The following SLC25A43 variants were observed in gnomAD, a reference collection of about 807,000 sequenced individuals.
SLC25A43 encodes the protein solute carrier family 25 member 43.
SLC25A43 carries 10 observed loss-of-function variants against 22.8 expected under a neutral mutation model. That is an observed-to-expected ratio of 0.44 (90% CI 0.27 to 0.74). The LOEUF is 0.74. Ranked by LOEUF, SLC25A43 falls within the 30% of genes least tolerant of loss-of-function variation. The pLI is 0.17. For synonymous variants in SLC25A43, 106 were observed against 121.6 expected, an observed-to-expected ratio of 0.87 and a Z score of 0.84; for missense variants, 233 against 279.1, an observed-to-expected ratio of 0.83 and a Z score of 1.18.
chrX:119,430,158 C>G (rs1402412913), intron 3 of SLC25A43, among the ~76,000 whole-genome samples: 1 of 111,740 alleles, frequency 8.9e-6, no homozygotes, highest in Non-Finnish European at 1.9e-5. Flanking sequence ...TGACATGTTT[C>G]ATTTCTCTTT....
intron 2 of SLC25A43, among the ~76,000 whole-genome samples, chrX:119,407,461 TG>T (rs1258113918): frequency 8.9e-6 from 1 of 111,752 alleles, no homozygotes; most frequent in Non-Finnish European, 1.9e-5. Flanking sequence ...GGCCAACTTT[TG>T]GGGGGAAGTA....
intron 3 of SLC25A43, chrX:119,426,212 G>A (rs2052502747): frequency 1.3e-6 from 1 of 754,211 alleles, no homozygotes; most frequent in Admixed American, 8.8e-5. Flanking sequence ...CGACGGCTGT[G>A]TTCCTCTTGA....
At chrX:119,443,114 CTCT>C (rs1368292620) in intron 3 of SLC25A43, among the ~76,000 whole-genome samples, 1 of 73,177 alleles carries the variant, frequency 1.4e-5, no homozygotes, top group Non-Finnish European at 2.6e-5. Flanking sequence ...CCCATTCTCT[CTCT>C]TTTTTTTTTT....
chrX:119,448,976 T>C (rs1222285210), intron 3 of SLC25A43, among the ~76,000 whole-genome samples: 1 of 110,743 alleles, frequency 9.0e-6, no homozygotes, highest in East Asian at 2.8e-4. Context: ...TTGGGGTGAG[T>C]GATGCTTTTC....
chrX:119,429,512 G>A (rs182031845), intron 3 of SLC25A43, among the ~76,000 whole-genome samples: 126 of 99,086 alleles, frequency 1.3e-3, no homozygotes, highest in Non-Finnish European at 2.4e-3. Flanking sequence ...TCTACTGCAA[G>A]TTTGTTATTT....
intron 3 of SLC25A43, among the ~76,000 whole-genome samples, chrX:119,432,761 C>G (rs2052563358): frequency 1.0e-5 from 1 of 98,937 alleles, no homozygotes; most frequent in African/African-American, 3.8e-5. Flanking sequence ...GCACTCCAGC[C>G]TCAGTGACAG....
At chrX:119,413,789 C>G (rs1421994244) in intron 3 of SLC25A43, among the ~76,000 whole-genome samples, 2 of 110,380 alleles carry the variant, frequency 1.8e-5, no homozygotes, top group Non-Finnish European at 3.8e-5. Context: ...ATTTAATTAT[C>G]AAATAATATT....
chrX:119,401,479 G>A (rs971064479), intron 1 of SLC25A43, among the ~76,000 whole-genome samples: 1 of 111,268 alleles, frequency 9.0e-6, no homozygotes, highest in African/African-American at 3.3e-5. Context: ...CGATGAGGAG[G>A]AGAAAATGTG....
At chrX:119,451,239 C>G (rs997763155) in intron 3 of SLC25A43, among the ~76,000 whole-genome samples, 1 of 111,617 alleles carries the variant, frequency 9.0e-6, no homozygotes, top group Non-Finnish European at 1.9e-5. Context: ...AGGGTTCCGT[C>G]AGGATGGCTC....
At chrX:119,451,822 T>C in intron 3 of SLC25A43, 187 bp from the exon 4 acceptor site, 1 of 1,064,610 alleles carries the variant, frequency 9.4e-7, no homozygotes, top group Non-Finnish European at 1.2e-6. Flanking sequence ...GTATCATGAT[T>C]GTATTGCACG....
chrX:119,400,625 T>C (rs1050951949), intron 1 of SLC25A43, among the ~76,000 whole-genome samples: 9 of 112,081 alleles, frequency 8.0e-5, no homozygotes, highest in African/African-American at 1.6e-4. Context: ...TGGCGGCTAA[T>C]AGTCAAAGGA....
intron 3 of SLC25A43, among the ~76,000 whole-genome samples, chrX:119,449,067 G>T (rs931749948): frequency 9.0e-6 from 1 of 110,910 alleles, no homozygotes; most frequent in African/African-American, 3.3e-5. Context: ...TAAAATGTCA[G>T]TAAAGTAGTC....
At chrX:119,418,351 C>G (rs2052423921) in intron 3 of SLC25A43, among the ~76,000 whole-genome samples, 1 of 111,703 alleles carries the variant, frequency 9.0e-6, no homozygotes, top group Non-Finnish European at 1.9e-5. Context: ...CTGCTCTGAC[C>G]TGAGCACACT....
chrX:119,419,440 A>G (rs1218913324), intron 3 of SLC25A43, among the ~76,000 whole-genome samples: 1 of 111,677 alleles, frequency 9.0e-6, no homozygotes, highest in Non-Finnish European at 1.9e-5. Context: ...TGAGCAGAAT[A>G]TACATGGTCA....
At chrX:119,407,176 C>T (rs916737869) in intron 2 of SLC25A43, among the ~76,000 whole-genome samples, 1 of 112,017 alleles carries the variant, frequency 8.9e-6, no homozygotes, top group African/African-American at 3.2e-5. Flanking sequence ...CTTCTGGAAA[C>T]TTGGCTTCCA....
chrX:119,416,172 A>C (rs1158495377), intron 3 of SLC25A43, among the ~76,000 whole-genome samples: 2 of 109,487 alleles, frequency 1.8e-5, no homozygotes, highest in African/African-American at 6.7e-5. Context: ...GTTTATATCT[A>C]TTCTAGGGTC....
At chrX:119,428,453 CA>C (rs372582882) in intron 3 of SLC25A43, among the ~76,000 whole-genome samples, 15 of 103,471 alleles carry the variant, frequency 1.4e-4, no homozygotes, top group Non-Finnish European at 2.4e-4. Context: ...GAAACTGTCT[CA>C]AAAAAAAAAA....
chrX:119,441,393 C>T (rs1022899352), intron 3 of SLC25A43, among the ~76,000 whole-genome samples: 1 of 98,673 alleles, frequency 1.0e-5, no homozygotes, highest in Non-Finnish European at 2.0e-5. Flanking sequence ...GAGATGAACC[C>T]GGTACCTCAG....
chrX:119,426,169 C>CT (rs1280297517), intron 3 of SLC25A43: 1 of 752,939 alleles, frequency 1.3e-6, no homozygotes, highest in Non-Finnish European at 1.6e-6. Flanking sequence ...TTTTCACCTC[C>CT]TTTTTTCCAC....
Sources: gnomAD v4.1 joint callset for allele counts (sites outside exome capture counted in the v4.1 genomes callset) on GRCh38, gnomAD v4.1.1 for gene constraint, MANE v1.5 for transcripts, NCBI Gene and HGNC (gene_info 2026-07-23, HGNC 2026-07-21) for gene names.